The following MAP3K13 variants were observed in gnomAD, a reference collection of about 807,000 sequenced individuals.
MAP3K13 encodes mitogen-activated protein kinase kinase kinase 13.
Under a neutral mutation model 104.0 loss-of-function variants are expected in MAP3K13, and 52 were observed. The observed-to-expected ratio is 0.50, with a 90% CI of 0.40 to 0.63. The LOEUF is 0.63. Among genes scored for constraint, MAP3K13 ranks in the 20% least tolerant of loss-of-function variants. MAP3K13 has a pLI of 0.00. For synonymous variants in MAP3K13, 394 were observed against 442.2 expected (o/e 0.89, Z 1.37); for missense variants, 914 against 1,218.5 (o/e 0.75, Z 3.72).
At chr3:185,375,165 A>C (rs1430871677) in intron 1 of MAP3K13, among the ~76,000 whole-genome samples, 2 of 152,174 alleles carry the variant, frequency 1.3e-5, no homozygotes, top group East Asian at 3.8e-4. Flanking sequence ...TATGTCTGAC[A>C]GAAGGGAAGA....
intron 2 of MAP3K13, among the ~76,000 whole-genome samples, chr3:185,350,807 G>A (rs898779533): frequency 1.3e-5 from 2 of 152,118 alleles, no homozygotes; most frequent in African/African-American, 4.8e-5. Flanking sequence ...AAAGCAGTTT[G>A]GCAATTTCTC....
chr3:185,357,464 A>AG (rs1560063270), intron 2 of MAP3K13, among the ~76,000 whole-genome samples: 1 of 151,140 alleles, frequency 6.6e-6, no homozygotes, highest in African/African-American at 2.4e-5. Flanking sequence ...AAAAAAAAAA[A>AG]AAAGAAAAAA....
rs773363845 is a variant in MAP3K13, at chr3:185,472,990, A to C, written c.1659A>C (p.Arg553Ser). 10 of 1,613,942 alleles carry C rather than the reference A, an allele frequency of 6.2e-6. No homozygotes were observed. The East Asian group carries it at 8.9e-5, about 14-fold the overall frequency. Residue 553 changes from arginine (R) to serine (S), a missense_variant, in exon 11 of 14, where the codon AGA becomes AGC. Arg to Ser is a moderately radical substitution (Grantham distance 110, BLOSUM62 -1). Transcript: ENST00000265026. ...TTCCTCCCAGGCCAGACTTGTTGAG[A>C]TCAGAAGGGATCCCCACCACAGAAG... ...GMQTKRPDLLRSEGIPTTEVA... is the reference protein window; with the variant it reads ...GMQTKRPDLLSSEGIPTTEVA...
chr3:185,454,638 AGATATATATAT>A lies in MAP3K13; in HGVS notation c.1278+3264_1278+3274del, dbSNP rs1339890026. Reference sequence around the variant, plus strand: ...GATATATATATGAGATATATATATGAGATATATATATGATATATATATGATATATATGAGAT... The same window carrying A: ...GATATATATATGAGATATATATATGAGATATATATATGATATATATGAGAT... On this transcript the variant is annotated intron_variant, in intron 7 of 13. Transcript: ENST00000265026. 1.5e-3 allele frequency among the ~76,000 whole-genome samples: 75 copies of A among 49,830 alleles called. 8 individuals carry two copies. The highest frequency in any genetic ancestry group is 2.3e-3 in the East Asian group (5 of 2,172). The allele number at this position is 49,830 out of a possible 152,430, so 32.7% of individuals were successfully genotyped here.
intron 1 of MAP3K13, among the ~76,000 whole-genome samples, chr3:185,387,382 C>T (rs1421060943): frequency 2.0e-5 from 3 of 152,158 alleles, no homozygotes; most frequent in Non-Finnish European, 4.4e-5. Flanking sequence ...TATGTGATCT[C>T]TGCACAAGTT....
intron 1 of MAP3K13, among the ~76,000 whole-genome samples, chr3:185,384,163 T>G (rs1711547010): frequency 6.6e-6 from 1 of 152,146 alleles, no homozygotes; most frequent in Admixed American, 6.6e-5. Flanking sequence ...GGTCAACTTT[T>G]TTTTAGCTCC....
In MAP3K13 at chr3:185,473,776, TGA is replaced by T. The variant is rs780200026; in HGVS notation, c.2430+19_2430+20del. The T allele has an allele frequency of 3.7e-6, 6 of 1,604,742 alleles. No individual in the cohort carries two copies. Among genetic ancestry groups the T allele is most frequent in the Admixed American group, 1.7e-5 (1 of 59,040 alleles). Reference sequence around the variant, plus strand: ...CTCTGCAGAAGGTAAAGTGTAATGATGAGAGTGGCCTGCGTCACTGCCTTCAA... The same window carrying T: ...CTCTGCAGAAGGTAAAGTGTAATGATGAGTGGCCTGCGTCACTGCCTTCAA... On this transcript the variant is annotated intron_variant, in intron 11 of 13. Transcript: ENST00000265026. The surrounding 1 kb of genome is among the most constrained non-coding windows in gnomAD (Gnocchi z 4.9).
At chr3:185,422,603 G>A (rs1199703459) in intron 1 of MAP3K13, among the ~76,000 whole-genome samples, 1 of 152,234 alleles carries the variant, frequency 6.6e-6, no homozygotes, top group South Asian at 2.1e-4. Context: ...GCAGAAGTTC[G>A]GGATAAAAAA....
intron 2 of MAP3K13, among the ~76,000 whole-genome samples, chr3:185,301,074 A>G (rs1721087162): frequency 1.3e-5 from 2 of 151,904 alleles, no homozygotes; most frequent in South Asian, 4.2e-4. Context: ...AACAGTGTAC[A>G]GAGACTCCAA....
upstream of MAP3K13, among the ~76,000 whole-genome samples, chr3:185,358,891 T>A (rs983166198): frequency 6.6e-6 from 1 of 152,200 alleles, no homozygotes; most frequent in Non-Finnish European, 1.5e-5. Context: ...CTTGATCAGC[T>A]AGCATAACTA....
chr3:185,437,397 G>A (rs1483289545), intron 2 of MAP3K13, 50 bp from the exon 3 acceptor site: 1 of 1,535,304 alleles, frequency 6.5e-7, no homozygotes, highest in Non-Finnish European at 8.9e-7. Context: ...GCCTTGTAGA[G>A]TGGTCCCTTC....
intron 2 of MAP3K13, among the ~76,000 whole-genome samples, chr3:185,308,009 CTTTTTTTTTT>C (rs33949195): frequency 3.2e-5 from 1 of 31,566 alleles, no homozygotes; most frequent in Non-Finnish European, 5.7e-5. Flanking sequence ...TCTTTGGGGT[CTTTTTTTTTT>C]TTTTTTTTTT....
chr3:185,465,778 C>T lies in MAP3K13; in HGVS notation c.1420C>T (p.Arg474Trp), dbSNP rs776368621. The T allele has an allele frequency of 1.7e-5, 28 of 1,613,940 alleles. 1 individual carries two copies. In the South Asian group the frequency reaches 2.1e-4, roughly 12 times the overall value. The change falls in exon 9 of 14, where the codon CGG (arginine) becomes TGG (tryptophan). Residue 474 changes from arginine (R) to tryptophan (W), a missense_variant. Physicochemically the swap from Arg to Trp is moderately radical, Grantham distance 101 (BLOSUM62 -3). Transcript: ENST00000265026. ...GCTGGATATTCGTGAACACTATGAG[C>T]GGAAGCTTGAGCGGGCGAATAATTT... is the stretch of plus-strand genomic sequence containing the variant. ...HALDIREHYE[R>W]KLERANNLYM...
intron 1 of MAP3K13, among the ~76,000 whole-genome samples, chr3:185,396,416 C>CTCTT (rs1490459488): frequency 6.6e-6 from 1 of 151,888 alleles, no homozygotes; most frequent in African/African-American, 2.4e-5. Flanking sequence ...CCTTCCAGAC[C>CTCTT]TCTTGGTGAT....
intron 1 of MAP3K13, among the ~76,000 whole-genome samples, chr3:185,396,750 G>T (rs1712448132): frequency 6.6e-6 from 1 of 152,176 alleles, no homozygotes; most frequent in African/African-American, 2.4e-5. Context: ...AGAGCTGACT[G>T]TGATCCTCTT....
Position 185,307,021 on chromosome 3 carries a change from G to A in MAP3K13, c.-86+21378G>A, listed in dbSNP as rs111891037. On this transcript the variant is annotated intron_variant, in intron 2 of 14. Coordinates refer to the MAP3K13 transcript ENST00000424227. ...TTTGAATGTATCATACCACTCTCTCGTCTGCAGTGTTTCTCCTGAGAAATC... is the reference window on the plus strand; with the variant it reads ...TTTGAATGTATCATACCACTCTCTCATCTGCAGTGTTTCTCCTGAGAAATC... 4.7e-3 allele frequency among the ~76,000 whole-genome samples: 717 copies of A among 152,174 alleles called. 4 individuals carry two copies. The highest frequency in any genetic ancestry group is 0.016 in the African/African-American group (662 of 41,522).
chr3:185,428,519 C>T lies in MAP3K13; in HGVS notation c.-63C>T. 2 of 1,512,596 alleles carry T rather than the reference C, an allele frequency of 1.3e-6. No homozygotes were observed. The highest frequency in any genetic ancestry group is 1.8e-6 in the Non-Finnish European group (2 of 1,133,018). The allele number at this position is 1,512,596 out of a possible 1,614,324, so 93.7% of individuals were successfully genotyped here. Reference sequence around the variant, plus strand: ...CAGGTTTTGGAGCCCTCTCTTAAGTCAGAACTCTGTCCCAAAAATCTTCTG... The same window carrying T: ...CAGGTTTTGGAGCCCTCTCTTAAGTTAGAACTCTGTCCCAAAAATCTTCTG... On this transcript the variant is annotated 5_prime_UTR_variant, in exon 2 of 14. An upstream open reading frame in the 5' UTR gains an earlier in-frame stop. Coordinates refer to ENST00000265026, the MANE Select transcript of MAP3K13 (RefSeq NM_004721.5).
chr3:185,365,668 T>A (rs1436025515), intron 1 of MAP3K13, among the ~76,000 whole-genome samples: 4 of 151,396 alleles, frequency 2.6e-5, no homozygotes, highest in African/African-American at 9.8e-5. Flanking sequence ...TGCAAAAAAA[T>A]AAAAATAAAA....
At chr3:185,479,291 A>G (rs1718314841) in intron 12 of MAP3K13, among the ~76,000 whole-genome samples, 1 of 152,190 alleles carries the variant, frequency 6.6e-6, no homozygotes, top group Admixed American at 6.5e-5. Context: ...GGGTGGATTG[A>G]CAGGGAGGTG....
Sources: gnomAD v4.1 joint callset for allele counts (sites outside exome capture counted in the v4.1 genomes callset) on GRCh38, gnomAD v4.1.1 for gene constraint, Gnocchi (gnomAD v3.1) non-coding constraint, MANE v1.5 for transcripts, NCBI Gene and HGNC (gene_info 2026-07-23, HGNC 2026-07-21) for gene names.